Variants in ACSF3 observed in about 807,000 individuals in gnomAD.
ACSF3 encodes the protein malonate--CoA ligase ACSF3, mitochondrial.
Under a neutral mutation model 53.2 loss-of-function variants are expected in ACSF3, and 78 were observed. The observed-to-expected ratio is 1.47, with a 90% confidence interval of 1.22 to 1.77. The LOEUF is 1.77. ACSF3 is among the 40% of genes most tolerant of loss of function. The pLI, the probability that ACSF3 is intolerant of heterozygous loss-of-function variation, is 0.00. For missense variants in ACSF3, 937 were observed against 771.1 expected (o/e 1.22, Z -2.55); for synonymous variants, 414 against 333.1 (o/e 1.24, Z -2.65).
At chr16:89,095,517 G>T (rs1281306478) in intron 1 of ACSF3, among the ~76,000 whole-genome samples, 2 of 148,684 alleles carry the variant, frequency 1.3e-5, no homozygotes, top group East Asian at 2.0e-4. Flanking sequence ...CCCGCAGGCC[G>T]AGCACAGCCC....
At position 89,153,970 on chromosome 16, in the gene ACSF3, C is replaced by T. The variant is rs1020505012; in HGVS notation, c.1614-120C>T. 17 of 1,052,578 alleles carry T rather than the reference C, an allele frequency of 1.6e-5. No individual in the cohort carries two copies. In the East Asian group the frequency reaches 4.4e-4, roughly 27 times the overall value. The allele number at this position is 1,052,578 out of a possible 1,614,324, so 65.2% of individuals were successfully genotyped here. ...GTGCACCTGCCTGGCCTCAGGATGG[C>T]CGAGGCGCCTGGCAAGGCTGCAGGG... On this transcript the variant is annotated intron_variant, in intron 10 of 10. Transcript: ENST00000614302.
chr16:89,144,157 G>T (rs972970677), intron 8 of ACSF3, among the ~76,000 whole-genome samples: 1 of 152,216 alleles, frequency 6.6e-6, no homozygotes, highest in Non-Finnish European at 1.5e-5. Context: ...TTCGGGCTGG[G>T]AGTACAGGCT....
At chr16:89,145,050 A>G in intron 8 of ACSF3, 1 of 1,308,314 alleles carries the variant, frequency 7.6e-7, no homozygotes. Context: ...TCATGGGCAC[A>G]GTCCCACCTT....
chr16:89,153,910 T>C, intron 10 of ACSF3, 180 bp from the exon 11 acceptor site: 1 of 647,436 alleles, frequency 1.5e-6, no homozygotes, highest in South Asian at 1.8e-5. Context: ...TCACCACCCC[T>C]GGGCTGCTAG....
At chr16:89,133,114 C>A (rs118065221) in intron 7 of ACSF3, 22 bp from the exon 8 acceptor site, 1 of 1,613,166 alleles carries the variant, frequency 6.2e-7, no homozygotes, top group South Asian at 1.1e-5. Flanking sequence ...GCTCTGACCT[C>A]CATGTTCTTC....
At chr16:89,138,731 C>G (rs1291332247) in intron 8 of ACSF3, among the ~76,000 whole-genome samples, 2 of 152,232 alleles carry the variant, frequency 1.3e-5, no homozygotes, top group Non-Finnish European at 2.9e-5. Flanking sequence ...TGCCCCAGCC[C>G]TCCTGCAAGA....
intron 10 of ACSF3, chr16:89,149,392 C>T (rs1305411955): frequency 6.6e-6 from 1 of 152,184 alleles, no homozygotes; most frequent in Non-Finnish European, 1.5e-5. Context: ...ATAAATGAAG[C>T]CAGATTTTTC....
In ACSF3 at chr16:89,119,068, A is replaced by C. The variant is rs28566568; in HGVS notation, c.1127-1733A>C. ...CCTGCCTCAAGCTTTCATGGGTGGC[A>C]CCTGGAGTGTGGGGGCCCCTCCCTG... On this transcript the variant is annotated intron_variant, in intron 6 of 10. Coordinates refer to ENST00000614302, the MANE Select transcript of ACSF3 (RefSeq NM_001243279.3). Among the ~76,000 whole-genome samples, 164 of 151,144 alleles carry C rather than the reference A, an allele frequency of 1.1e-3. 2 individuals are homozygous for C. Among genetic ancestry groups the C allele is most frequent in the African/African-American group, 3.7e-3 (150 of 41,072 alleles).
chr16:89,102,887 C>T lies in ACSF3; in HGVS notation c.822+128C>T, dbSNP rs548319697. The stretch of plus-strand genomic sequence containing the variant: ...TGGTTGGGGTCAGGGCTCTCGGCCG[C>T]GCCCTCAGACTAGGCATCTTTTCCT... On this transcript the variant is annotated intron_variant, in intron 4 of 10. Coordinates refer to ENST00000614302, the MANE Select transcript of ACSF3 (RefSeq NM_001243279.3). The T allele has an allele frequency of 1.4e-4, 189 of 1,333,654 alleles. 1 individual carries two copies. In the African/African-American group the frequency reaches 2.4e-3, roughly 17 times the overall value. 82.6% of individuals were successfully genotyped at this position (1,333,654 alleles called of 1,614,324 possible).
At chr16:89,123,667 C>T (rs552733739) in intron 7 of ACSF3, among the ~76,000 whole-genome samples, 98 of 152,334 alleles carry the variant, frequency 6.4e-4, no homozygotes, top group African/African-American at 2.0e-3. Flanking sequence ...GCCAGGCCTT[C>T]AGAGCTGAAT....
intron 4 of ACSF3, among the ~76,000 whole-genome samples, chr16:89,104,712 A>G (rs1022887274): frequency 1.3e-5 from 2 of 151,966 alleles, no homozygotes; most frequent in African/African-American, 4.8e-5. Flanking sequence ...CTGGCCCTCC[A>G]CCTCTCTGAC....
intron 8 of ACSF3, among the ~76,000 whole-genome samples, chr16:89,143,889 TG>T (rs1912378943): frequency 6.6e-6 from 1 of 152,124 alleles, no homozygotes; most frequent in Admixed American, 6.5e-5. Context: ...GGTGGATGGA[TG>T]GGGCCTTTCT....
chr16:89,097,317 C>G (rs559969133), intron 1 of ACSF3, among the ~76,000 whole-genome samples: 2 of 152,342 alleles, frequency 1.3e-5, no homozygotes, highest in South Asian at 4.1e-4. Flanking sequence ...GTGCTTCTGT[C>G]ATATTGAGAA....
At position 89,154,160 on chromosome 16, in the gene ACSF3, G is replaced by A. The variant is rs1914455730; in HGVS notation, c.1684G>A (p.Gly562Ser). The A allele has an allele frequency of 1.2e-6, 2 of 1,613,616 alleles. No homozygotes were observed. Among genetic ancestry groups the A allele is most frequent in the Admixed American group, 3.3e-5 (2 of 59,970 alleles). Reference protein sequence around the residue: ...LVEEIPRNQMGKIDKKALIRH... With the variant: ...LVEEIPRNQMSKIDKKALIRH... ...GGAGGAGATCCCGCGGAACCAGATG[G>A]GCAAGATTGACAAGAAGGCGCTCAT... Residue 562 changes from glycine (G) to serine (S), a missense_variant, in exon 11 of 11, where the codon GGC becomes AGC. By Grantham distance (56) the Gly-to-Ser change is moderately conservative. Coordinates refer to ENST00000614302, the MANE Select transcript of ACSF3 (RefSeq NM_001243279.3).
intron 8 of ACSF3, among the ~76,000 whole-genome samples, chr16:89,133,581 C>G (rs1230012800): frequency 6.6e-6 from 1 of 152,210 alleles, no homozygotes; most frequent in Non-Finnish European, 1.5e-5. Flanking sequence ...AGACGCCGGG[C>G]CCCACGCAGC....
chr16:89,129,775 T>C (rs1347457972), intron 7 of ACSF3, among the ~76,000 whole-genome samples: 1 of 152,234 alleles, frequency 6.6e-6, no homozygotes, highest in East Asian at 1.9e-4. Context: ...TGTCTTTGCA[T>C]AGTTTTTTTA....
intron 8 of ACSF3, among the ~76,000 whole-genome samples, chr16:89,135,819 G>A (rs1567731086): frequency 1.3e-5 from 2 of 152,270 alleles, no homozygotes; most frequent in Non-Finnish European, 2.9e-5. Flanking sequence ...CTGTCGCCCA[G>A]TCTGCAGTGC....
At chr16:89,142,021 C>T (rs1477443677) in intron 8 of ACSF3, among the ~76,000 whole-genome samples, 1 of 152,228 alleles carries the variant, frequency 6.6e-6, no homozygotes, top group Non-Finnish European at 1.5e-5. Flanking sequence ...GTATAGCTGC[C>T]ACTTTCTCCG....
At chr16:89,099,180 G>T (rs1173883386) in intron 2 of ACSF3, among the ~76,000 whole-genome samples, 1 of 152,250 alleles carries the variant, frequency 6.6e-6, no homozygotes, top group Non-Finnish European at 1.5e-5. Context: ...CCCCTGGCCT[G>T]TGTCCGCATC....
Sources: gnomAD v4.1 joint callset for allele counts (sites outside exome capture counted in the v4.1 genomes callset) on GRCh38, gnomAD v4.1.1 for gene constraint, MANE v1.5 for transcripts, NCBI Gene and HGNC (gene_info 2026-07-23, HGNC 2026-07-21) for gene names.